DACT2: variants seen among roughly 807,000 people sequenced by gnomAD.
DACT2 encodes dapper homolog 2.
Under a neutral mutation model 22.2 loss-of-function variants are expected in DACT2, and 20 were observed. That is an observed-to-expected ratio of 0.90 (90% CI 0.63 to 1.31). DACT2 has a LOEUF of 1.31. Ranked by LOEUF, DACT2 falls within the 50% of genes most tolerant of loss-of-function variation. The pLI, the probability that DACT2 is intolerant of heterozygous loss-of-function variation, is 0.00. For missense variants in DACT2, 1,048 were observed against 1,061.4 expected, an observed-to-expected ratio of 0.99 and a Z score of 0.18; for synonymous variants, 463 against 479.8, an observed-to-expected ratio of 0.96 and a Z score of 0.46.
chr6:168,304,990 G>A (rs889082824), downstream of DACT2, among the ~76,000 whole-genome samples: 3 of 152,212 alleles, frequency 2.0e-5, no homozygotes, highest in Non-Finnish European at 4.4e-5. Flanking sequence ...AAGGCCTTGG[G>A]CCTCAGGCAA....
chr6:168,301,213 C>G (rs985136837), intron 3 of DACT2, among the ~76,000 whole-genome samples: 2 of 152,156 alleles, frequency 1.3e-5, no homozygotes, highest in African/African-American at 4.8e-5. Context: ...GGGCCTCTCT[C>G]ACAGGCATGG....
In DACT2 at chr6:168,308,041, G is replaced by A. The variant is rs1345122383; in HGVS notation, c.1716C>T (p.Leu572=). The change falls in exon 4 of 4, where the codon CTC becomes CTT. Residue 572 remains leucine, a synonymous_variant. Transcript: ENST00000366795. ...SESTLYPMPV[L]VPLAVAPQES... ...CCTGCGGGGCCACTGCCAAGGGGAC[G>A]AGGACAGGCATGGGGTAGAGGGTGG... 2.1e-5 allele frequency: 33 copies of A among 1,549,114 alleles called. No individual in the cohort carries two copies. The highest frequency in any genetic ancestry group is 6.8e-5 in the African/African-American group (5 of 73,034).
intron 1 of DACT2, among the ~76,000 whole-genome samples, chr6:168,315,239 C>T (rs879747073): frequency 3.3e-5 from 5 of 152,166 alleles, no homozygotes; most frequent in African/African-American, 7.2e-5. Context: ...GTGTCTCTCC[C>T]GCTGTGGAGA....
rs570459885 is a variant in DACT2, at chr6:168,294,051, A to C, written c.795+82T>G. 2.0e-5 allele frequency: 14 copies of C among 703,022 alleles called. No individual in the cohort carries two copies. In the African/African-American group the frequency reaches 2.3e-4, roughly 11 times the overall value. 43.5% of individuals were successfully genotyped at this position (703,022 alleles called of 1,614,324 possible). ...GCCTCCCCGTCCCCACAGAGCACCC[A>C]CGATGCCCATGAGCACAGACCCGCG... is the stretch of plus-strand genomic sequence containing the variant. On this transcript the variant is annotated intron_variant, in intron 5 of 5. Coordinates refer to the DACT2 transcript ENST00000366796.
chr6:168,293,879 T>G, exon 6 of DACT2: 1 of 703,352 alleles, frequency 1.4e-6, no homozygotes, highest in African/African-American at 1.7e-5. Context: ...GCCCCCAGCT[T>G]GGTGTAGTGC....
At chr6:168,303,582 C>T (rs921451416), downstream of DACT2, among the ~76,000 whole-genome samples, 2 of 152,196 alleles carry the variant, frequency 1.3e-5, no homozygotes, top group Non-Finnish European at 2.9e-5. Context: ...TATCAGATGC[C>T]ACTGCCTGTC....
At position 168,307,209 on chromosome 6, in the gene DACT2, G is replaced by A; in HGVS notation, c.*223C>T. ...AGACACTAGGTCGGCCGGGGAGGCTGCTGGCATCTGAAACCAGAGCTCCGC... is the reference window on the plus strand; with the variant it reads ...AGACACTAGGTCGGCCGGGGAGGCTACTGGCATCTGAAACCAGAGCTCCGC... On this transcript the variant is annotated 3_prime_UTR_variant, in exon 4 of 4. Transcript: ENST00000366795. This position sits in a 1 kb window ranked among gnomAD's most constrained non-coding sequence, Gnocchi z 5.3. 1 of 1,395,018 alleles carries A rather than the reference G, an allele frequency of 7.2e-7. No individual in the cohort carries two copies. Among genetic ancestry groups the A allele is most frequent in the Non-Finnish European group, 9.3e-7 (1 of 1,079,566 alleles). 86.4% of individuals were successfully genotyped at this position (1,395,018 alleles called of 1,614,324 possible).
At chr6:168,318,275 G>A (rs906241266) in intron 1 of DACT2, among the ~76,000 whole-genome samples, 1 of 152,236 alleles carries the variant, frequency 6.6e-6, no homozygotes, top group South Asian at 2.1e-4. Context: ...GGGCAGAGTT[G>A]GGGGCCCAGG....
intron 4 of DACT2, among the ~76,000 whole-genome samples, chr6:168,294,350 T>G (rs9456037): frequency 0.17 from 26,476 of 151,812 alleles, 2,828 homozygotes; most frequent in African/African-American, 0.3. Flanking sequence ...CTCCTAGTCC[T>G]TCCCTACCTG....
At position 168,308,800 on chromosome 6, in the gene DACT2, A is replaced by G. The variant is rs937417037; in HGVS notation, c.957T>C (p.Thr319=). Residue 319 remains threonine, a synonymous_variant, in exon 4 of 4, where the codon ACT becomes ACC. Transcript: ENST00000366795. ...CCGGGCCAGCCTCGAGGACCGGCCC[A>G]GTCTGGATGGTGTTCAGACCTGCGG... ...RGPAGLNTIQ[T]GPVLEAGPAR... 20 of 1,551,298 alleles carry G rather than the reference A, an allele frequency of 1.3e-5. No individual in the cohort carries two copies. Among genetic ancestry groups the G allele is most frequent in the Non-Finnish European group, 1.7e-5 (20 of 1,146,992 alleles).
At chr6:168,301,900 C>A (rs1313569155) in intron 3 of DACT2, among the ~76,000 whole-genome samples, 2 of 152,256 alleles carry the variant, frequency 1.3e-5, no homozygotes. Context: ...AAGTCCACAC[C>A]TGGTGACTGT....
At chr6:168,314,687 G>A (rs1779504128) in intron 1 of DACT2, among the ~76,000 whole-genome samples, 1 of 152,172 alleles carries the variant, frequency 6.6e-6, no homozygotes, top group Non-Finnish European at 1.5e-5. Flanking sequence ...CACATGTGGA[G>A]GATAAACATG....
exon 4 of DACT2, chr6:168,294,653 C>A: frequency 6.8e-7 from 1 of 1,479,450 alleles, no homozygotes. Context: ...ACTGGAGGTG[C>A]AGCCTGCAGG....
intron 3 of DACT2, chr6:168,298,302 G>T (rs1284946070): frequency 2.0e-5 from 3 of 152,208 alleles, no homozygotes; most frequent in African/African-American, 7.2e-5. Context: ...TGAAGGAAAT[G>T]GAGCAGCATT....
Position 168,309,052 on chromosome 6 carries a change from G to C in DACT2, c.705C>G (p.Ala235=). 6.5e-7 allele frequency: 1 copy of C among 1,540,886 alleles called. No homozygotes were observed. Among genetic ancestry groups the C allele is most frequent in the Middle Eastern group, 1.7e-4 (1 of 5,910 alleles). Residue 235 remains alanine, a synonymous_variant, in exon 4 of 4, where the codon GCC becomes GCG. Transcript: ENST00000366795. ...ALPADTGLQK[A]SADAELLGLL... is the part of the protein sequence containing the mutation. The stretch of plus-strand genomic sequence containing the variant: ...GCCCGAGGAGCTCGGCGTCCGCGCT[G>C]GCTTTCTGGAGCCCCGTGTCCGCCG...
intron 3 of DACT2, chr6:168,298,176 T>C (rs1247308685): frequency 6.6e-6 from 1 of 152,156 alleles, no homozygotes; most frequent in Non-Finnish European, 1.5e-5. Flanking sequence ...TAGGTAAATA[T>C]AGGCAAACTT....
At position 168,319,679 on chromosome 6, in the gene DACT2, G is replaced by A. The variant is rs9364433; in HGVS notation, c.-46C>T. On this transcript the variant is annotated 5_prime_UTR_variant, in exon 1 of 4. Coordinates refer to ENST00000366795, the MANE Select transcript of DACT2 (RefSeq NM_214462.5). ...CTCCCGAACCCCACGAGCGGCGCCG[G>A]AGGCCCAGCGCGCGCGGATCCCGAG... 667,907 of 1,200,030 alleles carry A rather than the reference G, an allele frequency of 0.56. 192,733 individuals are homozygous for A. Among genetic ancestry groups the A allele is most frequent in the East Asian group, 0.85 (24,095 of 28,486 alleles). 74.3% of individuals were successfully genotyped at this position (1,200,030 alleles called of 1,614,324 possible). A position where few individuals can be genotyped will look rare whatever the true frequency, so the allele number is the denominator to read the frequency against.
At chr6:168,297,952 G>A (rs982662602) in intron 3 of DACT2, 5 of 152,246 alleles carry the variant, frequency 3.3e-5, no homozygotes, top group African/African-American at 9.6e-5. Flanking sequence ...CTCCTCACAC[G>A]TCTGTAGGAG....
At chr6:168,315,464 C>T (rs780080473) in intron 1 of DACT2, among the ~76,000 whole-genome samples, 6 of 152,168 alleles carry the variant, frequency 3.9e-5, no homozygotes, top group Admixed American at 6.5e-5. Context: ...AGCAAACCCA[C>T]TTGGGTCGGA....
Sources: allele counts gnomAD v4.1 joint callset (sites outside exome capture counted in the v4.1 genomes callset), GRCh38; gene constraint gnomAD v4.1.1; non-coding constraint Gnocchi (gnomAD v3.1); transcripts MANE v1.5; gene names NCBI Gene and HGNC (gene_info 2026-07-23, HGNC 2026-07-21).